The following RPP30 variants were observed in gnomAD, a reference collection of about 807,000 sequenced individuals.
The protein encoded by RPP30 is ribonuclease P protein subunit p30.
In RPP30, 36 loss-of-function variants were observed where a neutral mutation model predicts 38.6. That is an observed-to-expected ratio of 0.93 (90% CI 0.71 to 1.23). RPP30 has a LOEUF of 1.23. Ranked by LOEUF, RPP30 falls within the 50% of genes most tolerant of loss-of-function variation. RPP30 has a pLI of 0.00. For missense variants in RPP30, 321 were observed against 321.7 expected, an observed-to-expected ratio of 1.00 and a Z score of 0.02; for synonymous variants, 126 against 112.7, an observed-to-expected ratio of 1.12 and a Z score of -0.75.
chr10:90,877,652 T>C (rs1846870173), intron 4 of RPP30, among the ~76,000 whole-genome samples: 1 of 151,628 alleles, frequency 6.6e-6, no homozygotes, highest in Admixed American at 6.6e-5. Flanking sequence ...GATTTATTGA[T>C]GTGACAGTCC....
chr10:90,895,671 A>C (rs905465824), intron 8 of RPP30, 188 bp downstream of exon 8: 5 of 491,958 alleles, frequency 1.0e-5, no homozygotes, highest in African/African-American at 1.0e-4. Flanking sequence ...TTTTGTTTAT[A>C]TAATCAGTTT....
At chr10:90,893,286 A>G (rs916381230) in intron 6 of RPP30, among the ~76,000 whole-genome samples, 5 of 152,190 alleles carry the variant, frequency 3.3e-5, no homozygotes, top group Admixed American at 6.5e-5. Flanking sequence ...CTAGAAAAAG[A>G]CAAGTTTCTC....
At chr10:90,891,049 C>G (rs1847076169) in intron 6 of RPP30, among the ~76,000 whole-genome samples, 1 of 152,106 alleles carries the variant, frequency 6.6e-6, no homozygotes, top group Admixed American at 6.5e-5. Flanking sequence ...GAGAACAGTC[C>G]CTATGCGGAG....
chr10:90,877,938 A>G (rs942629650), intron 4 of RPP30, among the ~76,000 whole-genome samples: 1 of 152,366 alleles, frequency 6.6e-6, no homozygotes, highest in Admixed American at 6.5e-5. Flanking sequence ...ATATAATAGA[A>G]GTAATTAAGG....
Position 90,900,673 on chromosome 10 carries a change from G to T in RPP30, c.801G>T (p.Glu267Asp), listed in dbSNP as rs1847190010. ...CAGCTTCCAAGAAAGCCAAGTGTGA[G>T]GGCTGAAAAGAATGCCCCAGTCTCT... is the stretch of plus-strand genomic sequence containing the variant. ...CLPASKKAKC[E>D]G The change falls in exon 11 of 11, where the codon GAG becomes GAT. Residue 267 changes from glutamate (E) to aspartate (D), a missense_variant. Transcript: ENST00000371703. 1.2e-6 allele frequency: 2 copies of T among 1,613,012 alleles called. No individual in the cohort carries two copies. The highest frequency in any genetic ancestry group is 1.7e-6 in the Non-Finnish European group (2 of 1,179,524).
At chr10:90,894,239 C>T (rs146661897) in intron 6 of RPP30, among the ~76,000 whole-genome samples, 1 of 152,302 alleles carries the variant, frequency 6.6e-6, no homozygotes, top group Non-Finnish European at 1.5e-5. Flanking sequence ...ACTCTCTTAG[C>T]ATATAGTCAG....
chr10:90,897,824 A>G (rs187997411), intron 10 of RPP30, among the ~76,000 whole-genome samples: 1 of 152,122 alleles, frequency 6.6e-6, no homozygotes, highest in Non-Finnish European at 1.5e-5. Flanking sequence ...TAGTATGTGT[A>G]TATATTTATG....
At chr10:90,872,479 C>T (rs748180310) in intron 1 of RPP30, among the ~76,000 whole-genome samples, 1 of 152,086 alleles carries the variant, frequency 6.6e-6, no homozygotes, top group Non-Finnish European at 1.5e-5. Flanking sequence ...GCCGTGGAGG[C>T]TCGGAGAAGG....
chr10:90,898,804 G>A (rs1442381357), intron 10 of RPP30, among the ~76,000 whole-genome samples: 2 of 152,210 alleles, frequency 1.3e-5, no homozygotes, highest in Non-Finnish European at 2.9e-5. Context: ...TGAGGAGGTT[G>A]TGGGGAAAGG....
intron 5 of RPP30, 33 bp from the exon 6 acceptor site, chr10:90,885,779 T>A (rs1350440825): frequency 6.9e-7 from 1 of 1,450,914 alleles, no homozygotes; most frequent in Non-Finnish European, 9.7e-7. Flanking sequence ...CCAATTTTCC[T>A]TTTGGCCTTA....
chr10:90,876,568 A>G (rs1846854998), intron 4 of RPP30, among the ~76,000 whole-genome samples: 1 of 152,156 alleles, frequency 6.6e-6, no homozygotes, highest in South Asian at 2.1e-4. Context: ...AGAGTCAGTA[A>G]ATGTTAAATA....
rs1847206687 is a variant in RPP30, at chr10:90,901,823, T to TC, written c.*1144_*1145insC. ...TTCTGCGGGTTGGAGAAAATACAAT[T>TC]TTTTTTTTTTTTTTTGAGACAGTCT... On this transcript the variant is annotated 3_prime_UTR_variant, in exon 11 of 11. Transcript: ENST00000371703. 1.6e-6 allele frequency: 1 copy of TC among 637,764 alleles called. No homozygotes were observed. The highest frequency in any genetic ancestry group is 4.9e-5 in the African/African-American group (1 of 20,388). 39.5% of individuals were successfully genotyped at this position (637,764 alleles called of 1,614,324 possible).
downstream of RPP30, among the ~76,000 whole-genome samples, chr10:90,902,770 G>A (rs1437921033): frequency 6.6e-6 from 1 of 152,096 alleles, no homozygotes; most frequent in Non-Finnish European, 1.5e-5. Flanking sequence ...AAGCATTTTT[G>A]ACTACCGCTT....
In RPP30 at chr10:90,900,590, G is replaced by A. The variant is rs1488724602; in HGVS notation, c.718G>A (p.Gly240Arg). 9.3e-6 allele frequency: 15 copies of A among 1,611,176 alleles called. No homozygotes were observed. The highest frequency in any genetic ancestry group is 1.3e-5 in the Non-Finnish European group (15 of 1,179,090). ...TACAGAAACTAGAAAAACTGCTTTT[G>A]GAATTATCTCTACAGTGAAGAAACC... ...LHGETRKTAF[G>R]IISTVKKPRP... The change falls in exon 11 of 11, where the codon GGA becomes AGA. Residue 240 changes from glycine to arginine, a missense_variant. Coordinates refer to ENST00000371703, the MANE Select transcript of RPP30 (RefSeq NM_006413.5).
chr10:90,898,003 G>A (rs1365579937), intron 10 of RPP30, among the ~76,000 whole-genome samples: 1 of 152,056 alleles, frequency 6.6e-6, no homozygotes. Context: ...TCACCCTCTT[G>A]TGCTATCATA....
intron 10 of RPP30, among the ~76,000 whole-genome samples, chr10:90,897,050 C>T (rs867421491): frequency 2.6e-5 from 4 of 152,094 alleles, no homozygotes; most frequent in African/African-American, 4.8e-5. Flanking sequence ...CCACCATGCC[C>T]GGCCAGACTG....
At chr10:90,884,320 G>A (rs1411574034) in intron 5 of RPP30, among the ~76,000 whole-genome samples, 2 of 152,148 alleles carry the variant, frequency 1.3e-5, no homozygotes, top group Non-Finnish European at 2.9e-5. Flanking sequence ...TAAAATTTTG[G>A]TAGCCATTGC....
rs186028423 is a variant in RPP30, at chr10:90,890,644, G to C, written c.433-4131G>C. Among the ~76,000 whole-genome samples, 4 of 152,016 alleles carry C rather than the reference G, an allele frequency of 2.6e-5. No individual in the cohort carries two copies. The East Asian group carries it at 5.8e-4, about 22-fold the overall frequency. On this transcript the variant is annotated intron_variant, in intron 6 of 10. Coordinates refer to ENST00000371703, the MANE Select transcript of RPP30 (RefSeq NM_006413.5). Reference sequence around the variant, plus strand: ...GTGTTAAGTACTGTGTCCATTCAGTGCCAGCAAATTGTGCCAGTATTAAAA... The same window carrying C: ...GTGTTAAGTACTGTGTCCATTCAGTCCCAGCAAATTGTGCCAGTATTAAAA...
chr10:90,879,153 A>G lies in RPP30; in HGVS notation c.342+19A>G. On this transcript the variant is annotated intron_variant, in intron 5 of 10. Transcript: ENST00000371703. ...TTTTCATGTGAGTAACAGATAAGTA[A>G]AAGAAAGTAGTGTATATATGTTATA... 3 of 1,587,180 alleles carry G rather than the reference A, an allele frequency of 1.9e-6. No homozygotes were observed. The highest frequency in any genetic ancestry group is 2.6e-6 in the Non-Finnish European group (3 of 1,155,772).
Sources: gnomAD v4.1 joint callset for allele counts (sites outside exome capture counted in the v4.1 genomes callset) on GRCh38, gnomAD v4.1.1 for gene constraint, MANE v1.5 for transcripts, NCBI Gene and HGNC (gene_info 2026-07-23, HGNC 2026-07-21) for gene names.